The following ARFGEF3 variants were observed in gnomAD, a reference collection of about 807,000 sequenced individuals.
ARFGEF3 encodes the protein ARFGEF family member 3.
ARFGEF3 carries 96 observed loss-of-function variants against 221.7 expected under a neutral mutation model. The observed-to-expected ratio is 0.43, with a 90% CI of 0.37 to 0.51. The LOEUF is 0.51. ARFGEF3 is among the 20% of genes least tolerant of loss of function. The pLI is 0.00. For missense variants in ARFGEF3, 2,410 were observed against 2,789.9 expected (o/e 0.86, Z 3.07); for synonymous variants, 1,145 against 1,126.8 (o/e 1.02, Z -0.32).
intron 10 of ARFGEF3, among the ~76,000 whole-genome samples, chr6:138,259,614 T>A (rs941876373): frequency 1.3e-5 from 2 of 152,188 alleles, no homozygotes; most frequent in African/African-American, 4.8e-5. Flanking sequence ...CTCCAGATTC[T>A]GAAGCAATTG....
chr6:138,332,700 A>T (rs1206448763), intron 32 of ARFGEF3, among the ~76,000 whole-genome samples: 1 of 152,244 alleles, frequency 6.6e-6, no homozygotes, highest in Non-Finnish European at 1.5e-5. Flanking sequence ...ATGGTTACAC[A>T]ACATTATGAA....
intron 25 of ARFGEF3, among the ~76,000 whole-genome samples, chr6:138,312,268 C>T (rs889748070): frequency 9.2e-5 from 14 of 152,096 alleles, no homozygotes; most frequent in African/African-American, 3.1e-4. Context: ...TCCCTGAGGC[C>T]GTTTGTCTCT....
Position 138,340,871 on chromosome 6 carries a change from C to T in ARFGEF3, c.*4385C>T, listed in dbSNP as rs1347357469. ...CCATGAAAATGAGACTATTTGACAT[C>T]TCAGATCTGTCTGGGATGTTATGGA... is the stretch of plus-strand genomic sequence containing the variant. On this transcript the variant is annotated 3_prime_UTR_variant, in exon 34 of 34. Transcript: ENST00000251691. 1 of 152,084 alleles carries T rather than the reference C, an allele frequency of 6.6e-6. No individual in the cohort carries two copies. The highest frequency in any genetic ancestry group is 1.9e-4 in the East Asian group (1 of 5,192). 9.4% of individuals were successfully genotyped at this position (152,084 alleles called of 1,614,324 possible).
chr6:138,249,635 T>G (rs185100330), intron 8 of ARFGEF3, among the ~76,000 whole-genome samples: 8 of 152,330 alleles, frequency 5.3e-5, no homozygotes, highest in Admixed American at 5.2e-4. Context: ...GAATAGGTTT[T>G]AAATGGAGAA....
At chr6:138,183,572 G>C (rs1039490071) in intron 2 of ARFGEF3, among the ~76,000 whole-genome samples, 6 of 152,122 alleles carry the variant, frequency 3.9e-5, no homozygotes, top group African/African-American at 4.8e-5. Context: ...AGTTGGGAAG[G>C]GGGAGCAGGT....
At chr6:138,259,845 C>T (rs1346348541) in intron 10 of ARFGEF3, among the ~76,000 whole-genome samples, 4 of 151,858 alleles carry the variant, frequency 2.6e-5, no homozygotes, top group Admixed American at 6.6e-5. Flanking sequence ...ACCCAGGAGG[C>T]GGAGGTTGCA....
chr6:138,265,468 T>G (rs552321252), intron 12 of ARFGEF3, among the ~76,000 whole-genome samples: 1 of 152,210 alleles, frequency 6.6e-6, no homozygotes, highest in Non-Finnish European at 1.5e-5. Flanking sequence ...TTTATTTGTG[T>G]GTGTAACAAA....
chr6:138,284,246 A>G (rs755602702), intron 14 of ARFGEF3, among the ~76,000 whole-genome samples: 15 of 152,292 alleles, frequency 9.8e-5, no homozygotes, highest in South Asian at 2.1e-4. Context: ...TGGAAGTTGC[A>G]GTGAGCTGAG....
intron 7 of ARFGEF3, 127 bp from the exon 8 acceptor site, chr6:138,245,386 C>T (rs2114559567): frequency 1.4e-6 from 1 of 691,942 alleles, no homozygotes; most frequent in Admixed American, 2.1e-5. Flanking sequence ...CTAAGGGCTT[C>T]TCCACATCTG....
intron 4 of ARFGEF3, chr6:138,218,220 A>G (rs1777910821): frequency 6.2e-7 from 1 of 1,613,606 alleles, no homozygotes; most frequent in African/African-American, 1.3e-5. Flanking sequence ...ACTTCTTTTT[A>G]CTTTTTCTTT....
rs142711296 is a variant in ARFGEF3 at position 138,335,032 on chromosome 6, G to C, written c.6186G>C (p.Pro2062=). 1.3e-4 allele frequency: 215 copies of C among 1,593,264 alleles called. No homozygotes were observed. The highest frequency in any genetic ancestry group is 1.8e-4 in the Non-Finnish European group (208 of 1,170,656). The stretch of plus-strand genomic sequence containing the variant: ...TGGGTCCCAGGGGCCAGGACTCCCC[G>C]CTGCTTCAGCGTCCCCAGCACTTGA... ...EPLGPRGQDS[P]LLQRPQHLMD... is the part of the protein sequence containing the mutation. The change falls in exon 33 of 34, where the codon CCG becomes CCC. Residue 2062 remains proline, a synonymous_variant. Transcript: ENST00000251691.
At chr6:138,300,374 A>G (rs1779607732) in intron 22 of ARFGEF3, among the ~76,000 whole-genome samples, 1 of 152,230 alleles carries the variant, frequency 6.6e-6, no homozygotes, top group Non-Finnish European at 1.5e-5. Flanking sequence ...ATAGGTTAAC[A>G]CCTAAGACTT....
chr6:138,171,667 G>A (rs1218080673), intron 2 of ARFGEF3, among the ~76,000 whole-genome samples: 1 of 152,134 alleles, frequency 6.6e-6, no homozygotes, highest in African/African-American at 2.4e-5. Context: ...GATAACCACT[G>A]ATAACAGTTT....
intron 5 of ARFGEF3, among the ~76,000 whole-genome samples, chr6:138,237,513 A>AT (rs58059485): frequency 0.1 from 15,386 of 151,658 alleles, 1,089 homozygotes; most frequent in East Asian, 0.37. Flanking sequence ...CAAATGAGGG[A>AT]TTTTTTTTTC....
chr6:138,296,864 G>C lies in ARFGEF3; in HGVS notation c.3557G>C (p.Gly1186Ala). The C allele has an allele frequency of 1.2e-6, 2 of 1,613,998 alleles. No individual in the cohort carries two copies. The highest frequency in any genetic ancestry group is 1.7e-6 in the Non-Finnish European group (2 of 1,179,902). ...RKSALHLFRL[G>A]NAMLRIVRSK... ...AGCGCCCTCCACCTGTTCCGCCTGG[G>C]GAATGCCATGCTGAGGATTGTGCGG... Residue 1186 changes from glycine (G) to alanine (A), a missense_variant, in exon 21 of 34, where the codon GGG (glycine) becomes GCG (alanine). By Grantham distance (60) the Gly-to-Ala change is moderately conservative (BLOSUM62 0). Transcript: ENST00000251691.
rs370751967 is a variant in ARFGEF3, at chr6:138,262,931, G to A, written c.1448G>A (p.Arg483Gln). 2.5e-5 allele frequency: 40 copies of A among 1,605,154 alleles called. No individual in the cohort carries two copies. The highest frequency in any genetic ancestry group is 4.0e-5 in the African/African-American group (3 of 74,786). Residue 483 changes from arginine to glutamine, a missense_variant, in exon 12 of 34, where the codon CGG becomes CAG. Coordinates refer to ENST00000251691, the MANE Select transcript of ARFGEF3 (RefSeq NM_020340.5). ...EINEADFRWQ[R>Q]RVLSSEHTPW... ...AATGAGGCTGACTTCCGCTGGCAGC[G>A]GCGAGTGCTGTCCTCAGAACACACG... is the stretch of plus-strand genomic sequence containing the variant.
chr6:138,210,909 T>A (rs773164722), intron 4 of ARFGEF3, among the ~76,000 whole-genome samples: 4 of 152,242 alleles, frequency 2.6e-5, no homozygotes, highest in African/African-American at 9.6e-5. Flanking sequence ...AAAGATTGAC[T>A]GCAGTCATGA....
chr6:138,300,003 A>G lies in ARFGEF3; in HGVS notation c.3828+1218A>G, dbSNP rs77578979. The stretch of plus-strand genomic sequence containing the variant: ...GAAACTCATGTCAACTCAGGCTACA[A>G]AAGAATCCCACAAATAAAGTTTCAA... On this transcript the variant is annotated intron_variant, in intron 22 of 33. Coordinates refer to ENST00000251691, the MANE Select transcript of ARFGEF3 (RefSeq NM_020340.5). Among the ~76,000 whole-genome samples, 839 of 152,276 alleles carry G rather than the reference A, an allele frequency of 5.5e-3. 27 individuals are homozygous for G. In the East Asian group the frequency reaches 0.093, roughly 17 times the overall value.
At chr6:138,284,889 G>C (rs1024489670) in intron 14 of ARFGEF3, among the ~76,000 whole-genome samples, 12 of 152,312 alleles carry the variant, frequency 7.9e-5, no homozygotes, top group Middle Eastern at 3.4e-3. Context: ...TTGCTCCAAG[G>C]CTACATACCT....
Sources: gnomAD v4.1 joint callset for allele counts (sites outside exome capture counted in the v4.1 genomes callset) on GRCh38, gnomAD v4.1.1 for gene constraint, MANE v1.5 for transcripts, NCBI Gene and HGNC (gene_info 2026-07-23, HGNC 2026-07-21) for gene names.